ANKS6: variants seen among roughly 807,000 people sequenced by gnomAD.
ANKS6 encodes the protein ankyrin repeat and sterile alpha motif domain containing 6, also known as ankyrin repeat and SAM domain-containing protein 6.
Under a neutral mutation model 77.9 loss-of-function variants are expected in ANKS6, and 47 were observed. The observed-to-expected ratio is 0.60, with a 90% confidence interval of 0.48 to 0.77. The LOEUF (loss-of-function observed/expected upper bound fraction) is 0.77. ANKS6 is among the 30% of genes least tolerant of loss of function. ANKS6 has a pLI of 0.00. For missense variants in ANKS6, 1,150 were observed against 1,159.1 expected (o/e 0.99, Z 0.11); for synonymous variants, 488 against 501.7 (o/e 0.97, Z 0.37).
At position 98,791,779 on chromosome 9, in the gene ANKS6, G is replaced by C. The variant is rs574888400; in HGVS notation, c.360-1173C>G. On this transcript the variant is annotated intron_variant, in intron 1 of 14. Coordinates refer to ENST00000353234, the MANE Select transcript of ANKS6 (RefSeq NM_173551.5). The surrounding 1 kb of genome is among the most constrained non-coding windows in gnomAD (Gnocchi z 4.3). ...GACCTCCCTCCTCCTGGCGGCTGGCGGCCAGGCCAGGGCTGAACTCTGTCT... is the reference window on the plus strand; with the variant it reads ...GACCTCCCTCCTCCTGGCGGCTGGCCGCCAGGCCAGGGCTGAACTCTGTCT... Among the ~76,000 whole-genome samples, 1 of 152,038 alleles carries C rather than the reference G, an allele frequency of 6.6e-6. No homozygotes were observed. The highest frequency in any genetic ancestry group is 1.5e-5 in the Non-Finnish European group (1 of 67,996).
rs1200416025 is a variant in ANKS6, at chr9:98,736,376, C to T, written c.*143G>A. ...AGCAAGAAGTACTACCAATGAATGC[C>T]GTCGACGTGAAGTGGGCATCCCGAG... On this transcript the variant is annotated 3_prime_UTR_variant, in exon 15 of 15. Coordinates refer to ENST00000353234, the MANE Select transcript of ANKS6 (RefSeq NM_173551.5). 1.5e-5 allele frequency: 22 copies of T among 1,429,318 alleles called. No individual in the cohort carries two copies. Among genetic ancestry groups the T allele is most frequent in the East Asian group, 5.1e-5 (2 of 39,592 alleles). The allele number at this position is 1,429,318 out of a possible 1,614,324, so 88.5% of individuals were successfully genotyped here. A position where few individuals can be genotyped will look rare whatever the true frequency, so the allele number is the denominator to read the frequency against.
rs961832657 is a variant in ANKS6 at position 98,768,900 on chromosome 9, C to T, written c.1973-650G>A. ...ATCCCAGCACTTTGGGAGGCCGAGGCGGGCAGATCACAAGGTAGAGATCGA... is the reference window on the plus strand; with the variant it reads ...ATCCCAGCACTTTGGGAGGCCGAGGTGGGCAGATCACAAGGTAGAGATCGA... On this transcript the variant is annotated intron_variant, in intron 10 of 14. Coordinates refer to ENST00000353234, the MANE Select transcript of ANKS6 (RefSeq NM_173551.5). Among the ~76,000 whole-genome samples the T allele has an allele frequency of 3.3e-5, 5 of 152,182 alleles. No individual in the cohort carries two copies. The East Asian group carries it at 7.7e-4, about 24-fold the overall frequency.
rs78546014 is a variant in ANKS6, at chr9:98,732,449, C to T, written c.*4070G>A. 7,497 of 1,533,164 alleles carry T rather than the reference C, an allele frequency of 4.9e-3. 18 individuals are homozygous for T. The highest frequency in any genetic ancestry group is 6.1e-3 in the Non-Finnish European group (6,908 of 1,132,220). The allele number at this position is 1,533,164 out of a possible 1,614,324, so 95.0% of individuals were successfully genotyped here. A position where few individuals can be genotyped will look rare whatever the true frequency, so the allele number is the denominator to read the frequency against. On this transcript the variant is annotated 3_prime_UTR_variant, in exon 15 of 15. Coordinates refer to ENST00000353234, the MANE Select transcript of ANKS6 (RefSeq NM_173551.5). Reference sequence around the variant, plus strand: ...AGGCACATTTGGAGGGCAGGTCCATCGGCCACTCCTCACTTCTGTGGGCTC... The same window carrying T: ...AGGCACATTTGGAGGGCAGGTCCATTGGCCACTCCTCACTTCTGTGGGCTC...
At chr9:98,777,382 T>A in intron 8 of ANKS6, 23 bp downstream of exon 8, 1 of 1,613,530 alleles carries the variant, frequency 6.2e-7, no homozygotes, top group Non-Finnish European at 8.5e-7. Flanking sequence ...CCTAAAATGC[T>A]TTTAGAAAAG....
chr9:98,760,900 C>T (rs1832971433), intron 11 of ANKS6, among the ~76,000 whole-genome samples: 1 of 152,132 alleles, frequency 6.6e-6, no homozygotes, highest in Admixed American at 6.5e-5. Context: ...TTTTAAAAAT[C>T]CACCTAGTAG....
intron 3 of ANKS6, 75 bp from the exon 4 acceptor site, chr9:98,784,232 A>G (rs1374571786): frequency 7.4e-7 from 1 of 1,360,020 alleles, no homozygotes; most frequent in East Asian, 2.5e-5. Flanking sequence ...GGTTCATGTA[A>G]CAAACACTTG....
chr9:98,761,515 T>C (rs977193436), intron 11 of ANKS6, among the ~76,000 whole-genome samples: 16 of 152,248 alleles, frequency 1.1e-4, no homozygotes, highest in Admixed American at 6.5e-5. Context: ...ATTTTCTTAA[T>C]GGTATCTTTT....
intron 5 of ANKS6, among the ~76,000 whole-genome samples, chr9:98,781,252 G>A (rs970635025): frequency 6.6e-5 from 10 of 152,156 alleles, no homozygotes; most frequent in African/African-American, 2.4e-4. Context: ...TTCTTCAAAA[G>A]TTTTGTGTAA....
At chr9:98,736,945 T>C (rs1383519699) in intron 14 of ANKS6, among the ~76,000 whole-genome samples, 2 of 152,164 alleles carry the variant, frequency 1.3e-5, no homozygotes, top group East Asian at 1.9e-4. Flanking sequence ...CGAGGTCTCC[T>C]TTCCTGCGCC....
At chr9:98,737,898 C>T (rs1342710467) in intron 14 of ANKS6, among the ~76,000 whole-genome samples, 4 of 152,088 alleles carry the variant, frequency 2.6e-5, no homozygotes, top group African/African-American at 2.4e-5. Flanking sequence ...CATAGACCAA[C>T]GGAACAGAAT....
At chr9:98,741,874 G>A (rs1378256737) in intron 14 of ANKS6, among the ~76,000 whole-genome samples, 3 of 152,040 alleles carry the variant, frequency 2.0e-5, no homozygotes, top group Non-Finnish European at 4.4e-5. Flanking sequence ...AAAAATTTTA[G>A]GCCAAAATGC....
chr9:98,738,568 C>CAAAAAAA (rs1342888637), intron 14 of ANKS6, among the ~76,000 whole-genome samples: 1 of 115,990 alleles, frequency 8.6e-6, no homozygotes, highest in African/African-American at 3.3e-5. Context: ...ATGGCCATAA[C>CAAAAAAA]AAAAAAATAA....
intron 9 of ANKS6, among the ~76,000 whole-genome samples, chr9:98,771,432 C>T (rs1018419734): frequency 6.6e-6 from 1 of 152,202 alleles, no homozygotes; most frequent in Non-Finnish European, 1.5e-5. Flanking sequence ...CACCCCAGCT[C>T]CAAGCCTGCT....
chr9:98,732,625 T>G lies in ANKS6; in HGVS notation c.*3894A>C, dbSNP rs974948138. The stretch of plus-strand genomic sequence containing the variant: ...AGGATTTAAAATGGGCAACCATCTT[T>G]GAGGTTTCCCACATCTGCACCGCTC... On this transcript the variant is annotated 3_prime_UTR_variant, in exon 15 of 15. Coordinates refer to ENST00000353234, the MANE Select transcript of ANKS6 (RefSeq NM_173551.5). The G allele has an allele frequency of 1.4e-5, 21 of 1,548,544 alleles. No individual in the cohort carries two copies. The highest frequency in any genetic ancestry group is 1.7e-5 in the Non-Finnish European group (20 of 1,146,562).
intron 11 of ANKS6, among the ~76,000 whole-genome samples, chr9:98,758,584 T>C (rs1832841119): frequency 6.6e-6 from 1 of 152,198 alleles, no homozygotes; most frequent in African/African-American, 2.4e-5. Context: ...CTAACCGATG[T>C]ATACACACAT....
At chr9:98,789,714 C>T (rs1247068246) in intron 2 of ANKS6, among the ~76,000 whole-genome samples, 1 of 152,180 alleles carries the variant, frequency 6.6e-6, no homozygotes, top group Non-Finnish European at 1.5e-5. Context: ...TGCTTTCACT[C>T]TAGCAGAAGT....
At chr9:98,789,926 A>G in intron 2 of ANKS6, 178 bp downstream of exon 2, 2 of 934,038 alleles carry the variant, frequency 2.1e-6, no homozygotes, top group Non-Finnish European at 3.0e-6. Context: ...GTGGGCCCAG[A>G]ACCTGCATGT....
chr9:98,796,111 C>T (rs1347519833), intron 1 of ANKS6, 22 bp downstream of exon 1: 4 of 1,328,402 alleles, frequency 3.0e-6, no homozygotes, highest in East Asian at 6.2e-5. Context: ...TGGTCCCGGG[C>T]CCCCGGGCCC....
intron 4 of ANKS6, among the ~76,000 whole-genome samples, chr9:98,783,343 C>G (rs1239175305): frequency 6.6e-6 from 1 of 152,156 alleles, no homozygotes; most frequent in Non-Finnish European, 1.5e-5. Context: ...GGAAAGTGAT[C>G]TGATCACCTA....
Sources: gnomAD v4.1 joint callset for allele counts (sites outside exome capture counted in the v4.1 genomes callset) on GRCh38, gnomAD v4.1.1 for gene constraint, Gnocchi (gnomAD v3.1) non-coding constraint, MANE v1.5 for transcripts, NCBI Gene and HGNC (gene_info 2026-07-23, HGNC 2026-07-21) for gene names.